Variants in BCKDHB observed in about 807,000 individuals in gnomAD.
BCKDHB encodes the protein branched chain keto acid dehydrogenase E1 subunit beta.
A neutral mutation model predicts 48.5 loss-of-function variants in BCKDHB; 41 were observed. The ratio of observed to expected loss-of-function variants is 0.85; its 90% CI spans 0.66 to 1.10. BCKDHB has a LOEUF of 1.10. Ranked by LOEUF, BCKDHB falls within the 50% of genes least tolerant of loss-of-function variation. The pLI is 0.00. For synonymous variants in BCKDHB, 201 were observed against 174.8 expected (o/e 1.15, Z -1.18); for missense variants, 496 against 494.2 (o/e 1.00, Z -0.03).
At chr6:80,367,862 C>A in the BCKDHB span, among the ~76,000 whole-genome samples, 1 of 152,226 alleles carries the variant, frequency 6.6e-6, no homozygotes, top group Non-Finnish European at 1.5e-5. Context: ...CATAGTGCTT[C>A]TCCTCATGCA....
At chr6:80,362,460 C>G in the BCKDHB span, among the ~76,000 whole-genome samples, 2 of 152,048 alleles carry the variant, frequency 1.3e-5, no homozygotes, top group Admixed American at 1.3e-4. Flanking sequence ...TTCAGTCCTC[C>G]GGCTAACCAG....
intron 8 of BCKDHB, among the ~76,000 whole-genome samples, chr6:80,255,391 T>C (rs117964117): frequency 0.034 from 5,238 of 152,332 alleles, 149 homozygotes; most frequent in Middle Eastern, 0.061. Context: ...TTGTTTCTAT[T>C]GATAGTGGCT....
intron 8 of BCKDHB, among the ~76,000 whole-genome samples, chr6:80,222,001 G>A (rs1775481040): frequency 6.6e-6 from 1 of 152,124 alleles, no homozygotes; most frequent in Non-Finnish European, 1.5e-5. Context: ...ACACATGCGT[G>A]TTTGTTACCT....
chr6:80,418,459 A>AT, the BCKDHB span, among the ~76,000 whole-genome samples: 7,669 of 151,710 alleles, frequency 0.051, 589 homozygotes, highest in African/African-American at 0.16. Context: ...CTTAGGATGG[A>AT]TTTTTTTTCT....
intron 9 of BCKDHB, 108 bp from the exon 10 acceptor site, chr6:80,343,556 C>T: frequency 1.7e-6 from 2 of 1,207,936 alleles, no homozygotes; most frequent in Non-Finnish European, 2.4e-6. Context: ...TTTTTAATGT[C>T]CTTAGATGCA....
intron 5 of BCKDHB, chr6:80,169,758 G>A (rs1388268498): frequency 3.3e-6 from 5 of 1,531,142 alleles, no homozygotes; most frequent in Non-Finnish European, 4.5e-6. Context: ...TGAATTGATT[G>A]TGAGCATGTG....
chr6:80,277,811 T>G (rs1039068253), intron 9 of BCKDHB, among the ~76,000 whole-genome samples: 1 of 152,108 alleles, frequency 6.6e-6, no homozygotes, highest in African/African-American at 2.4e-5. Flanking sequence ...GATACCAACA[T>G]ATATTTTTTA....
chr6:80,275,692 TA>T (rs1003133351), intron 9 of BCKDHB, among the ~76,000 whole-genome samples: 2 of 152,032 alleles, frequency 1.3e-5, no homozygotes, highest in Non-Finnish European at 2.9e-5. Context: ...TTTTCATTGA[TA>T]ATTTTCCCAT....
At chr6:80,455,095 G>A in the BCKDHB span, among the ~76,000 whole-genome samples, 11 of 152,058 alleles carry the variant, frequency 7.2e-5, no homozygotes, top group South Asian at 2.1e-4. Flanking sequence ...AGCATCCTGC[G>A]TTTAACATTG....
chr6:80,404,787 G>T, the BCKDHB span, among the ~76,000 whole-genome samples: 4 of 151,566 alleles, frequency 2.6e-5, no homozygotes, highest in African/African-American at 4.8e-5. Flanking sequence ...GATATTTTTT[G>T]ATTTTTTCTT....
chr6:80,386,385 A>G, the BCKDHB span, among the ~76,000 whole-genome samples: 3 of 152,154 alleles, frequency 2.0e-5, no homozygotes, highest in Admixed American at 2.0e-4. Flanking sequence ...TACAGGTATA[A>G]AAAGAATGAG....
intron 9 of BCKDHB, among the ~76,000 whole-genome samples, chr6:80,313,660 C>G (rs2127998164): frequency 6.6e-6 from 1 of 152,334 alleles, no homozygotes; most frequent in East Asian, 1.9e-4. Flanking sequence ...CACACCTGGC[C>G]TGAGCCACCG....
intron 3 of BCKDHB, among the ~76,000 whole-genome samples, chr6:80,162,560 A>C (rs1772368593): frequency 6.6e-6 from 1 of 152,144 alleles, no homozygotes; most frequent in Admixed American, 6.5e-5. Context: ...CCATCTTAAA[A>C]ACCTGTCTTG....
At chr6:80,315,328 G>A (rs966137227) in intron 9 of BCKDHB, among the ~76,000 whole-genome samples, 2 of 152,132 alleles carry the variant, frequency 1.3e-5, no homozygotes, top group Admixed American at 6.5e-5. Flanking sequence ...GCAAAGATCC[G>A]TGGTTTCTTA....
chr6:80,284,996 GC>G (rs1182974813), intron 9 of BCKDHB, among the ~76,000 whole-genome samples: 1 of 151,938 alleles, frequency 6.6e-6, no homozygotes, highest in African/African-American at 2.4e-5. Flanking sequence ...TTCTTGTTCT[GC>G]TAGTCTTTTT....
At chr6:80,407,141 G>A in the BCKDHB span, among the ~76,000 whole-genome samples, 9 of 152,006 alleles carry the variant, frequency 5.9e-5, no homozygotes, top group Admixed American at 2.6e-4. Context: ...GTTTTTGTCA[G>A]GTTTGTCAAA....
intron 3 of BCKDHB, among the ~76,000 whole-genome samples, chr6:80,138,365 C>G (rs1279480143): frequency 6.6e-6 from 1 of 151,870 alleles, no homozygotes; most frequent in Non-Finnish European, 1.5e-5. Flanking sequence ...CATATGTATA[C>G]ATGTGCAATG....
the BCKDHB span, among the ~76,000 whole-genome samples, chr6:80,400,746 C>T: frequency 3.9e-5 from 6 of 151,900 alleles, no homozygotes; most frequent in African/African-American, 7.2e-5. Context: ...ATTTTTCTAC[C>T]GTAAAGACAC....
chr6:80,172,810 A>G (rs1772979200), intron 6 of BCKDHB, among the ~76,000 whole-genome samples: 1 of 152,154 alleles, frequency 6.6e-6, no homozygotes, highest in Non-Finnish European at 1.5e-5. Flanking sequence ...GAGATTTTTC[A>G]GAGTTCCTGT....
Sources: gnomAD v4.1 joint callset for allele counts (sites outside exome capture counted in the v4.1 genomes callset) on GRCh38, gnomAD v4.1.1 for gene constraint, MANE v1.5 for transcripts, NCBI Gene and HGNC (gene_info 2026-07-23, HGNC 2026-07-21) for gene names.